The following INTS8 variants were observed in gnomAD, a reference collection of about 807,000 sequenced individuals.
The protein encoded by INTS8 is protein kaonashi-1.
INTS8 carries 47 observed loss-of-function variants against 138.9 expected under a neutral mutation model. That is an observed-to-expected ratio of 0.34 (90% confidence interval 0.27 to 0.43). INTS8 has a LOEUF of 0.43. Ranked by LOEUF, INTS8 falls within the 20% of genes least tolerant of loss-of-function variation. The pLI, the probability that INTS8 is intolerant of heterozygous loss-of-function variation, is 1.00. For synonymous variants in INTS8, 392 were observed against 400.9 expected (o/e 0.98, Z 0.27); for missense variants, 996 against 1,173.0 (o/e 0.85, Z 2.20).
chr8:94,824,107 C>CT (rs1447660678), intron 1 of INTS8, among the ~76,000 whole-genome samples: 1 of 152,120 alleles, frequency 6.6e-6, no homozygotes, highest in Non-Finnish European at 1.5e-5. Flanking sequence ...TGCAAGATGG[C>CT]TTTGTATAGT....
intron 5 of INTS8, among the ~76,000 whole-genome samples, chr8:94,831,147 T>C (rs1010342433): frequency 6.6e-6 from 1 of 151,924 alleles, no homozygotes; most frequent in Non-Finnish European, 1.5e-5. Flanking sequence ...AGAATATTAC[T>C]CTGTCACCCA....
intron 16 of INTS8, chr8:94,859,910 T>C (rs1204554844): frequency 6.5e-6 from 2 of 309,130 alleles, no homozygotes; most frequent in Non-Finnish European, 1.2e-5. Flanking sequence ...AGAGATTCGC[T>C]TTCTTTGCTT....
At chr8:94,856,147 G>A (rs1187437471) in intron 14 of INTS8, among the ~76,000 whole-genome samples, 1 of 152,220 alleles carries the variant, frequency 6.6e-6, no homozygotes, top group Non-Finnish European at 1.5e-5. Flanking sequence ...ACATAGCACT[G>A]AGTTGAAGCC....
chr8:94,850,933 C>T (rs140973318), intron 12 of INTS8, among the ~76,000 whole-genome samples: 141 of 152,038 alleles, frequency 9.3e-4, no homozygotes, highest in Non-Finnish European at 1.3e-3. Flanking sequence ...AGAGAGAATT[C>T]GATTGGTTTA....
chr8:94,824,104 T>C (rs1166809872), intron 1 of INTS8, among the ~76,000 whole-genome samples: 4 of 152,224 alleles, frequency 2.6e-5, no homozygotes, highest in Non-Finnish European at 5.9e-5. Context: ...ATTTGCAAGA[T>C]GGCTTTGTAT....
intron 5 of INTS8, among the ~76,000 whole-genome samples, chr8:94,831,482 CTT>C (rs11482467): frequency 4.9e-5 from 6 of 121,558 alleles, no homozygotes; most frequent in Admixed American, 2.7e-4. Flanking sequence ...TTGTCTTTTT[CTT>C]TTTTTTTTTT....
At chr8:94,846,556 G>A (rs1403188432) in intron 10 of INTS8, among the ~76,000 whole-genome samples, 2 of 152,214 alleles carry the variant, frequency 1.3e-5, no homozygotes, top group Non-Finnish European at 2.9e-5. Context: ...TTACAGGTGT[G>A]AGCCACCACA....
At position 94,850,079 on chromosome 8, in the gene INTS8, T is replaced by C. The variant is rs1815475550; in HGVS notation, c.1495T>C (p.Tyr499His). Residue 499 changes from tyrosine to histidine, a missense_variant, in exon 12 of 27, where the codon TAT becomes CAT. By Grantham distance (83) the Tyr-to-His change is moderately conservative. Coordinates refer to ENST00000523731, the MANE Select transcript of INTS8 (RefSeq NM_017864.4). ...GTGCATTAAACCTGTAACTTCATTT[T>C]ATGATATCCCAGGTTAGCTCTCTAG... ...NLCIKPVTSF[Y>H]DIPASASVNI... is the part of the protein sequence containing the mutation. The C allele has an allele frequency of 1.3e-6, 2 of 1,598,428 alleles. No individual in the cohort carries two copies. The highest frequency in any genetic ancestry group is 4.5e-5 in the East Asian group (2 of 44,102).
intron 22 of INTS8, 46 bp downstream of exon 22, chr8:94,873,523 T>C (rs1352374207): frequency 2.5e-6 from 3 of 1,224,430 alleles, no homozygotes; most frequent in South Asian, 1.2e-5. Context: ...TACCTGTATA[T>C]GTTCTTCCTG....
At chr8:94,831,084 C>G (rs1313123480) in intron 5 of INTS8, among the ~76,000 whole-genome samples, 1 of 152,000 alleles carries the variant, frequency 6.6e-6, no homozygotes, top group Non-Finnish European at 1.5e-5. Flanking sequence ...GTGTGAGCCA[C>G]CGTGCCTGGC....
chr8:94,840,913 ATTT>A (rs59714366), intron 8 of INTS8, among the ~76,000 whole-genome samples: 2 of 131,476 alleles, frequency 1.5e-5, no homozygotes, highest in South Asian at 2.4e-4. Context: ...GAGAATAATA[ATTT>A]TTTTTTTTTT....
chr8:94,860,287 A>AG (rs1815905406), intron 16 of INTS8: 2 of 151,848 alleles, frequency 1.3e-5, no homozygotes, highest in Non-Finnish European at 2.9e-5. Flanking sequence ...ACAGTTAAAA[A>AG]AAAAACAAAG....
chr8:94,871,640 C>T (rs1816401833), intron 20 of INTS8, among the ~76,000 whole-genome samples: 1 of 152,132 alleles, frequency 6.6e-6, no homozygotes, highest in Admixed American at 6.5e-5. Flanking sequence ...GCCTTGTCTA[C>T]CTTTGACATT....
chr8:94,869,018 T>C (rs1816288100), intron 20 of INTS8, among the ~76,000 whole-genome samples: 1 of 151,538 alleles, frequency 6.6e-6, no homozygotes, highest in Non-Finnish European at 1.5e-5. Context: ...GTTTTGCTTT[T>C]GTTGCCCAGG....
chr8:94,867,518 A>AC (rs1816223751), intron 20 of INTS8, 181 bp downstream of exon 20: 1 of 473,446 alleles, frequency 2.1e-6, no homozygotes. Context: ...ATAAGGCATA[A>AC]CCCTTTTTTT....
At chr8:94,844,031 T>A (rs982971008) in intron 10 of INTS8, among the ~76,000 whole-genome samples, 3 of 151,286 alleles carry the variant, frequency 2.0e-5, no homozygotes, top group African/African-American at 7.3e-5. Context: ...TTCTGCTTTT[T>A]TTTTTTTATT....
At chr8:94,868,085 TTTAA>T (rs1816249522) in intron 20 of INTS8, among the ~76,000 whole-genome samples, 1 of 152,236 alleles carries the variant, frequency 6.6e-6, no homozygotes, top group Admixed American at 6.5e-5. Context: ...ACTAAACTTC[TTTAA>T]TTACTTTGAG....
chr8:94,823,321 G>C lies in INTS8; in HGVS notation c.-111G>C. 1.3e-6 allele frequency: 2 copies of C among 1,518,714 alleles called. No individual in the cohort carries two copies. Among genetic ancestry groups the C allele is most frequent in the Non-Finnish European group, 1.8e-6 (2 of 1,137,620 alleles). 94.1% of individuals were successfully genotyped at this position (1,518,714 alleles called of 1,614,324 possible). A position where few individuals can be genotyped will look rare whatever the true frequency, so the allele number is the denominator to read the frequency against. On this transcript the variant is annotated 5_prime_UTR_variant, in exon 1 of 27. Coordinates refer to ENST00000523731, the MANE Select transcript of INTS8 (RefSeq NM_017864.4). ...GATTGTGTGAGTTTCCGGGACGTTC[G>C]GAGGGTGGCCTCTCTCCCACCGGGT...
chr8:94,827,846 A>G lies in INTS8; in HGVS notation c.518+53A>G, dbSNP rs1386009534. 4 of 1,394,602 alleles carry G rather than the reference A, an allele frequency of 2.9e-6. No homozygotes were observed. In the African/African-American group the frequency reaches 4.3e-5, roughly 15 times the overall value. The allele number at this position is 1,394,602 out of a possible 1,614,324, so 86.4% of individuals were successfully genotyped here. Reference sequence around the variant, plus strand: ...GGCACTTTTTTCATTGGAGTTTTAAAAATGTTTGCAAGTTTTTAATAACCT... The same window carrying G: ...GGCACTTTTTTCATTGGAGTTTTAAGAATGTTTGCAAGTTTTTAATAACCT... On this transcript the variant is annotated intron_variant, in intron 4 of 26. Transcript: ENST00000523731.
Sources: allele counts gnomAD v4.1 joint callset (sites outside exome capture counted in the v4.1 genomes callset), GRCh38; gene constraint gnomAD v4.1.1; transcripts MANE v1.5; gene names NCBI Gene and HGNC (gene_info 2026-07-23, HGNC 2026-07-21).